GPC5: variants seen among roughly 807,000 people sequenced by gnomAD.
The protein encoded by GPC5 is glypican-5.
A neutral mutation model predicts 53.9 loss-of-function variants in GPC5; 47 were observed. The observed-to-expected ratio is 0.87, with a 90% CI of 0.69 to 1.11. The LOEUF (loss-of-function observed/expected upper bound fraction) is 1.11, where lower values mean the gene tolerates loss of function less well. GPC5 is among the 50% of genes most tolerant of loss of function. The pLI is 0.00. For missense variants in GPC5, 748 were observed against 713.1 expected (o/e 1.05, Z -0.56); for synonymous variants, 286 against 263.3 (o/e 1.09, Z -0.84).
At chr13:92,855,062 C>T (rs1878951775) in intron 7 of GPC5, among the ~76,000 whole-genome samples, 1 of 151,876 alleles carries the variant, frequency 6.6e-6, no homozygotes, top group Admixed American at 6.6e-5. Context: ...ATGCAAATGA[C>T]TAATGGGCAT....
intron 7 of GPC5, among the ~76,000 whole-genome samples, chr13:92,468,615 C>T (rs951578830): frequency 1.1e-4 from 17 of 152,148 alleles, no homozygotes; most frequent in East Asian, 1.9e-4. Flanking sequence ...CATACTTTTA[C>T]GAGAAGAATA....
At chr13:91,582,213 T>C in intron 2 of GPC5, among the ~76,000 whole-genome samples, 1 of 152,152 alleles carries the variant, frequency 6.6e-6, no homozygotes. Flanking sequence ...ATAGTAGAAA[T>C]AAAGTGTTTC....
intron 7 of GPC5, among the ~76,000 whole-genome samples, chr13:92,583,570 G>T (rs2139056474): frequency 6.6e-6 from 1 of 152,292 alleles, no homozygotes; most frequent in South Asian, 2.1e-4. Flanking sequence ...GCTGGAATAG[G>T]CTAGAAGAGG....
At chr13:92,403,909 C>T (rs1352393732) in intron 7 of GPC5, among the ~76,000 whole-genome samples, 1 of 151,946 alleles carries the variant, frequency 6.6e-6, no homozygotes, top group East Asian at 1.9e-4. Context: ...CATATATTAG[C>T]AACTTTATTG....
At chr13:91,903,873 G>T (rs2039524231) in intron 5 of GPC5, among the ~76,000 whole-genome samples, 1 of 152,076 alleles carries the variant, frequency 6.6e-6, no homozygotes, top group South Asian at 2.1e-4. Flanking sequence ...CAACATTCCT[G>T]CCTTTTTAAA....
intron 3 of GPC5, among the ~76,000 whole-genome samples, chr13:91,701,816 G>T (rs2035999522): frequency 1.3e-5 from 2 of 152,016 alleles, no homozygotes; most frequent in African/African-American, 4.8e-5. Flanking sequence ...ATACCCAAAA[G>T]GATAATTGCT....
At chr13:91,965,943 A>G (rs978327077) in intron 6 of GPC5, among the ~76,000 whole-genome samples, 2 of 152,186 alleles carry the variant, frequency 1.3e-5, no homozygotes, top group African/African-American at 4.8e-5. Flanking sequence ...TAATTTGTAA[A>G]GTAGGTTTCC....
chr13:92,102,425 G>T (rs924233291), intron 6 of GPC5, among the ~76,000 whole-genome samples: 1 of 152,148 alleles, frequency 6.6e-6, no homozygotes, highest in African/African-American at 2.4e-5. Flanking sequence ...TTGAGGAGTG[G>T]AAGTAAGTAG....
chr13:92,081,611 A>G (rs550718907), intron 6 of GPC5, among the ~76,000 whole-genome samples: 17 of 152,212 alleles, frequency 1.1e-4, no homozygotes, highest in African/African-American at 3.6e-4. Context: ...CTACACTTCC[A>G]TGCTCTCAGG....
At chr13:91,594,965 C>A (rs80245999) in intron 2 of GPC5, among the ~76,000 whole-genome samples, 11,072 of 151,528 alleles carry the variant, frequency 0.073, 655 homozygotes, top group South Asian at 0.25. Context: ...CCACCTTGCC[C>A]AGGCTTATTT....
At chr13:91,953,276 G>A (rs993702968) in intron 6 of GPC5, among the ~76,000 whole-genome samples, 1 of 152,082 alleles carries the variant, frequency 6.6e-6, no homozygotes, top group African/African-American at 2.4e-5. Context: ...AGAAATCTGG[G>A]AATTTGAAGT....
At chr13:91,550,377 G>A (rs917730670) in intron 2 of GPC5, among the ~76,000 whole-genome samples, 2 of 152,116 alleles carry the variant, frequency 1.3e-5, no homozygotes, top group Admixed American at 1.3e-4. Flanking sequence ...ATTATGATGT[G>A]TCAGTATAGG....
intron 2 of GPC5, among the ~76,000 whole-genome samples, chr13:91,555,437 G>T (rs545268647): frequency 7.9e-6 from 1 of 126,986 alleles, no homozygotes; most frequent in African/African-American, 3.0e-5. Context: ...TACCAGAAAA[G>T]CTCACTATAT....
intron 7 of GPC5, among the ~76,000 whole-genome samples, chr13:92,390,100 G>A (rs746639221): frequency 6.6e-5 from 10 of 152,180 alleles, no homozygotes; most frequent in Admixed American, 3.9e-4. Flanking sequence ...GGTCAAGAAC[G>A]AGAGAGAAAA....
chr13:91,513,280 A>G (rs1885328917), intron 2 of GPC5, among the ~76,000 whole-genome samples: 1 of 152,240 alleles, frequency 6.6e-6, no homozygotes, highest in South Asian at 2.1e-4. Context: ...TGTAATAAAT[A>G]TCACAACTAG....
Position 91,660,866 on chromosome 13 carries a change from C to T in GPC5, c.326-32321C>T, listed in dbSNP as rs114794931. Among the ~76,000 whole-genome samples, 1,217 of 152,196 alleles carry T rather than the reference C, an allele frequency of 8.0e-3. 14 individuals are homozygous for T. Among genetic ancestry groups the T allele is most frequent in the African/African-American group, 0.027 (1,106 of 41,526 alleles). ...TATTTAATGAAATCATTTACCCCAC[C>T]CACTGGCTAAAAAAATCTCTAGTCT... On this transcript the variant is annotated intron_variant, in intron 2 of 7. Transcript: ENST00000377067.
chr13:91,951,007 A>C (rs1332236113), intron 6 of GPC5, among the ~76,000 whole-genome samples: 1 of 152,098 alleles, frequency 6.6e-6, no homozygotes, highest in Non-Finnish European at 1.5e-5. Context: ...CTGCTGACAC[A>C]CTGTTTTAGG....
At chr13:92,496,964 G>T (rs1433969649) in intron 7 of GPC5, among the ~76,000 whole-genome samples, 1 of 151,960 alleles carries the variant, frequency 6.6e-6, no homozygotes, top group South Asian at 2.1e-4. Context: ...GAGTGAAAGA[G>T]CATTAAAAAG....
chr13:92,625,876 G>A (rs1870988312), intron 7 of GPC5, among the ~76,000 whole-genome samples: 1 of 152,176 alleles, frequency 6.6e-6, no homozygotes, highest in African/African-American at 2.4e-5. Flanking sequence ...ATGCCAGAGT[G>A]AGGTGGTCAC....
Sources: allele counts gnomAD v4.1 joint callset (sites outside exome capture counted in the v4.1 genomes callset), GRCh38; gene constraint gnomAD v4.1.1; transcripts MANE v1.5; gene names NCBI Gene and HGNC (gene_info 2026-07-23, HGNC 2026-07-21).